DLC1: variants seen among roughly 807,000 people sequenced by gnomAD.
DLC1 encodes the protein rho GTPase-activating protein 7.
DLC1 carries 54 observed loss-of-function variants against 140.3 expected under a neutral mutation model. The ratio of observed to expected loss-of-function variants is 0.38; its 90% CI spans 0.31 to 0.48. The LOEUF (loss-of-function observed/expected upper bound fraction) is 0.48. DLC1 is among the 20% of genes least tolerant of loss of function. The pLI is 0.96. For synonymous variants in DLC1, 986 were observed against 728.1 expected (o/e 1.35, Z -5.70); for missense variants, 2,536 against 1,907.0 (o/e 1.33, Z -6.14).
At chr8:13,200,890 A>C (rs1827345420) in intron 5 of DLC1, among the ~76,000 whole-genome samples, 1 of 152,100 alleles carries the variant, frequency 6.6e-6, no homozygotes, top group African/African-American at 2.4e-5. Flanking sequence ...GACCCACTGC[A>C]CCCAGCCCTT....
At chr8:13,219,385 T>TAATTATATAA (rs1554473525) in intron 5 of DLC1, among the ~76,000 whole-genome samples, 1 of 124,768 alleles carries the variant, frequency 8.0e-6, no homozygotes, top group Admixed American at 8.6e-5. Flanking sequence ...TATAATTATA[T>TAATTATATAA]TTCATATAAT....
At chr8:13,566,842 C>G (rs1200694549) in intron 1 of DLC1, 1 of 1,084,344 alleles carries the variant, frequency 9.2e-7, no homozygotes, top group East Asian at 2.7e-5. Flanking sequence ...CCCGCGTTGC[C>G]AAGACAGCTG....
At chr8:13,304,963 T>A in intron 5 of DLC1, 1 of 1,038,580 alleles carries the variant, frequency 9.6e-7, no homozygotes. Flanking sequence ...AATTTCCAAA[T>A]TCATTCCCCA....
At chr8:13,443,772 C>T (rs1230882929) in intron 2 of DLC1, among the ~76,000 whole-genome samples, 13 of 152,036 alleles carry the variant, frequency 8.6e-5, no homozygotes. Context: ...CCAGGCTTTT[C>T]ATGATAAGTA....
At chr8:13,115,156 C>T (rs1820442732) in intron 6 of DLC1, among the ~76,000 whole-genome samples, 1 of 152,026 alleles carries the variant, frequency 6.6e-6, no homozygotes, top group South Asian at 2.1e-4. Context: ...GCAGCCAAAG[C>T]AAATGCATAA....
intron 4 of DLC1, among the ~76,000 whole-genome samples, chr8:13,371,707 C>T (rs1424755513): frequency 6.6e-6 from 1 of 152,048 alleles, no homozygotes; most frequent in Non-Finnish European, 1.5e-5. Context: ...AGCTAATTCC[C>T]TCAGAAAGAA....
At chr8:13,478,913 G>A (rs1800559272) in intron 2 of DLC1, among the ~76,000 whole-genome samples, 1 of 152,194 alleles carries the variant, frequency 6.6e-6, no homozygotes, top group Admixed American at 6.5e-5. Context: ...AAACAAGCTG[G>A]CCTGTTGGCC....
intron 5 of DLC1, among the ~76,000 whole-genome samples, chr8:13,149,157 A>T (rs918514379): frequency 6.6e-6 from 1 of 152,118 alleles, no homozygotes; most frequent in African/African-American, 2.4e-5. Flanking sequence ...AGAAGGCACA[A>T]TCTCAATTCT....
At chr8:13,256,292 T>C (rs566888881) in intron 5 of DLC1, among the ~76,000 whole-genome samples, 1 of 152,358 alleles carries the variant, frequency 6.6e-6, no homozygotes, top group South Asian at 2.1e-4. Context: ...GACTAAATTA[T>C]TGCAAGAACA....
At chr8:13,583,396 C>G (rs1805183799) in intron 1 of DLC1, among the ~76,000 whole-genome samples, 1 of 152,166 alleles carries the variant, frequency 6.6e-6, no homozygotes, top group African/African-American at 2.4e-5. Context: ...AGAAGCAACT[C>G]TCTGTTGGTT....
chr8:13,180,601 G>T (rs929672426), intron 5 of DLC1, among the ~76,000 whole-genome samples: 1 of 151,542 alleles, frequency 6.6e-6, no homozygotes, highest in African/African-American at 2.4e-5. Flanking sequence ...GTTGAATTTA[G>T]GAGTTTCTTA....
At chr8:13,145,946 A>G (rs13272603) in intron 5 of DLC1, among the ~76,000 whole-genome samples, 62,484 of 151,966 alleles carry the variant, frequency 0.41, 14,327 homozygotes, top group East Asian at 0.79. Context: ...ATGGTGTTGT[A>G]TTATTGTGCC....
intron 2 of DLC1, among the ~76,000 whole-genome samples, chr8:13,466,931 G>T (rs986728500): frequency 8.0e-6 from 1 of 125,402 alleles, no homozygotes; most frequent in Non-Finnish European, 1.6e-5. Flanking sequence ...AGTTAACAGT[G>T]GTTGTCTACT....
At chr8:13,586,796 A>T (rs1805334284) in intron 1 of DLC1, among the ~76,000 whole-genome samples, 1 of 152,084 alleles carries the variant, frequency 6.6e-6, no homozygotes, top group African/African-American at 2.4e-5. Flanking sequence ...ACAAGGATAT[A>T]TGAAGTTTGA....
chr8:13,359,227 C>G (rs113715219), intron 4 of DLC1, among the ~76,000 whole-genome samples: 5 of 152,088 alleles, frequency 3.3e-5, no homozygotes, highest in Admixed American at 3.3e-4. Context: ...CGTGAGCCAC[C>G]GCACCCATCC....
intron 5 of DLC1, among the ~76,000 whole-genome samples, chr8:13,134,399 C>T (rs1402826530): frequency 6.6e-6 from 1 of 152,084 alleles, no homozygotes; most frequent in Non-Finnish European, 1.5e-5. Context: ...AGACAAATAT[C>T]CCTTCCCTCC....
At chr8:13,303,256 T>C (rs1253601663) in intron 5 of DLC1, among the ~76,000 whole-genome samples, 1 of 152,168 alleles carries the variant, frequency 6.6e-6, no homozygotes, top group African/African-American at 2.4e-5. Flanking sequence ...CCATCCTGAG[T>C]TGCTAGGTAT....
At chr8:13,453,404 G>A (rs28479801) in intron 2 of DLC1, among the ~76,000 whole-genome samples, 1,040 of 22,658 alleles carry the variant, frequency 0.046, 61 homozygotes, top group African/African-American at 0.13. Flanking sequence ...ATATATATGT[G>A]TATATATATA....
At chr8:13,093,680 G>A (rs892062930) in intron 12 of DLC1, among the ~76,000 whole-genome samples, 3 of 152,040 alleles carry the variant, frequency 2.0e-5, no homozygotes, top group African/African-American at 7.2e-5. Context: ...CAAATACCTC[G>A]GTGAGGAAAA....
Sources: allele counts gnomAD v4.1 joint callset (sites outside exome capture counted in the v4.1 genomes callset), GRCh38; gene constraint gnomAD v4.1.1; transcripts MANE v1.5; gene names NCBI Gene and HGNC (gene_info 2026-07-23, HGNC 2026-07-21).